Variants in RBFOX1 observed in about 807,000 individuals in gnomAD.
The protein encoded by RBFOX1 is RNA binding fox-1 homolog 1.
Under a neutral mutation model 57.7 loss-of-function variants are expected in RBFOX1, and 8 were observed. The observed-to-expected ratio is 0.14, with a 90% confidence interval of 0.08 to 0.25. RBFOX1 has a LOEUF of 0.25. RBFOX1 is among the 10% of genes least tolerant of loss of function. RBFOX1 has a pLI of 1.00. For missense variants in RBFOX1, 611 were observed against 548.5 expected (o/e 1.11, Z -1.14); for synonymous variants, 326 against 222.4 (o/e 1.47, Z -4.15).
intron 1 of RBFOX1, among the ~76,000 whole-genome samples, chr16:6,245,589 C>A (rs1024504488): frequency 6.6e-6 from 1 of 152,172 alleles, no homozygotes; most frequent in Non-Finnish European, 1.5e-5. Flanking sequence ...GCCCTCTACA[C>A]ACTAATAATA....
chr16:6,790,123 G>T, intron 3 of RBFOX1, among the ~76,000 whole-genome samples: 1 of 146,734 alleles, frequency 6.8e-6, no homozygotes, highest in East Asian at 2.0e-4. Context: ...ATTTTCTTCT[G>T]GTTCTGATTT....
chr16:6,576,114 A>G (rs963026773), intron 2 of RBFOX1, among the ~76,000 whole-genome samples: 1 of 152,170 alleles, frequency 6.6e-6, no homozygotes, highest in Admixed American at 6.5e-5. Flanking sequence ...GTGCACTTTT[A>G]TGATTAGCAT....
chr16:7,336,211 A>G (rs1173736621), intron 4 of RBFOX1, among the ~76,000 whole-genome samples: 1 of 152,148 alleles, frequency 6.6e-6, no homozygotes, highest in Non-Finnish European at 1.5e-5. Flanking sequence ...CAAGCCATGG[A>G]CCATGGCCAA....
intron 4 of RBFOX1, among the ~76,000 whole-genome samples, chr16:5,900,442 G>C (rs1242665228): frequency 2.6e-5 from 4 of 152,220 alleles, no homozygotes; most frequent in African/African-American, 9.6e-5. Context: ...CTGTGTTTCT[G>C]CAAGGAGATT....
At chr16:7,522,016 A>G (rs766933197) in intron 5 of RBFOX1, among the ~76,000 whole-genome samples, 3 of 152,152 alleles carry the variant, frequency 2.0e-5, no homozygotes, top group South Asian at 2.1e-4. Flanking sequence ...GTGGGAATCA[A>G]TCTCCATTCC....
chr16:5,343,350 C>T (rs2065073662), intron 1 of RBFOX1, among the ~76,000 whole-genome samples: 1 of 138,670 alleles, frequency 7.2e-6, no homozygotes, highest in South Asian at 2.3e-4. Context: ...AATCTTACTC[C>T]ATTGCCCAGG....
intron 4 of RBFOX1, among the ~76,000 whole-genome samples, chr16:7,136,921 C>G (rs1423424441): frequency 1.3e-5 from 2 of 152,178 alleles, no homozygotes; most frequent in Non-Finnish European, 2.9e-5. Flanking sequence ...GAAGTTTGCG[C>G]TGGGGCCCTT....
chr16:7,364,000 G>A (rs1211629661), intron 4 of RBFOX1, among the ~76,000 whole-genome samples: 1 of 152,190 alleles, frequency 6.6e-6, no homozygotes, highest in African/African-American at 2.4e-5. Flanking sequence ...TGAACAGGAA[G>A]ACAGCAAGAT....
intron 2 of RBFOX1, among the ~76,000 whole-genome samples, chr16:6,555,913 G>A (rs1055607947): frequency 6.6e-6 from 1 of 152,106 alleles, no homozygotes; most frequent in African/African-American, 2.4e-5. Flanking sequence ...AAGGGATGGG[G>A]ATCATAGGCA....
At chr16:7,168,964 G>A (rs1442516351) in intron 4 of RBFOX1, among the ~76,000 whole-genome samples, 1 of 152,060 alleles carries the variant, frequency 6.6e-6, no homozygotes, top group African/African-American at 2.4e-5. Context: ...GAACTCCATG[G>A]GGAATAATTC....
intron 8 of RBFOX1, among the ~76,000 whole-genome samples, chr16:7,596,166 CCT>C (rs2094690619): frequency 1.1e-5 from 1 of 94,470 alleles, no homozygotes; most frequent in Non-Finnish European, 2.3e-5. Flanking sequence ...TTTTACTAAA[CCT>C]CTCGTTTTTT....
chr16:6,780,983 C>T (rs1031686149), intron 3 of RBFOX1, among the ~76,000 whole-genome samples: 4 of 152,016 alleles, frequency 2.6e-5, no homozygotes, highest in African/African-American at 9.7e-5. Flanking sequence ...GCTGTGCAGA[C>T]ACTTTTTAGC....
intron 2 of RBFOX1, among the ~76,000 whole-genome samples, chr16:6,610,496 TTTTTTGTAC>T (rs1396464820): frequency 6.6e-6 from 1 of 151,942 alleles, no homozygotes; most frequent in Non-Finnish European, 1.5e-5. Context: ...CTCAGCTGAT[TTTTTTGTAC>T]TTTTTGTAGA....
At chr16:7,256,033 A>C (rs989962536) in intron 4 of RBFOX1, among the ~76,000 whole-genome samples, 5 of 152,230 alleles carry the variant, frequency 3.3e-5, no homozygotes, top group African/African-American at 9.6e-5. Context: ...AATTTCCATA[A>C]TGAATACATA....
intron 3 of RBFOX1, among the ~76,000 whole-genome samples, chr16:5,856,195 A>ATATATATATATACATATATATG: frequency 1.0e-3 from 62 of 60,234 alleles, no homozygotes; most frequent in African/African-American, 3.2e-3. Context: ...CTCTATATAT[A>ATATATATATATACATATATATG]TATATATATA....
chr16:6,461,907 G>C (rs764374424), intron 2 of RBFOX1, among the ~76,000 whole-genome samples: 5 of 152,122 alleles, frequency 3.3e-5, no homozygotes, highest in Non-Finnish European at 7.4e-5. Flanking sequence ...TTGTTAAACA[G>C]CCTGTATTAG....
intron 3 of RBFOX1, among the ~76,000 whole-genome samples, chr16:6,711,621 C>T (rs1363125732): frequency 1.3e-5 from 2 of 152,160 alleles, no homozygotes; most frequent in South Asian, 2.1e-4. Flanking sequence ...CGCCTTCCAC[C>T]ATGATTGTAA....
At chr16:5,849,776 C>T (rs1338480772) in intron 3 of RBFOX1, among the ~76,000 whole-genome samples, 1 of 152,110 alleles carries the variant, frequency 6.6e-6, no homozygotes, top group Non-Finnish European at 1.5e-5. Context: ...GAGTGTGCAG[C>T]GTCTCTCTTC....
At chr16:5,760,360 T>G (rs1156600710) in intron 3 of RBFOX1, among the ~76,000 whole-genome samples, 1 of 150,746 alleles carries the variant, frequency 6.6e-6, no homozygotes, top group Non-Finnish European at 1.5e-5. Flanking sequence ...CTCAGCAATT[T>G]CACACACACA....
Sources: allele counts gnomAD v4.1 joint callset (sites outside exome capture counted in the v4.1 genomes callset), GRCh38; gene constraint gnomAD v4.1.1; transcripts MANE v1.5; gene names NCBI Gene and HGNC (gene_info 2026-07-23, HGNC 2026-07-21).